The following HOMER1 variants were observed in gnomAD, a reference collection of about 807,000 sequenced individuals.
HOMER1 encodes the protein homer scaffold protein 1, also known as homer protein homolog 1.
In HOMER1, 3 loss-of-function variants were observed where a neutral mutation model predicts 48.9. The observed-to-expected ratio is 0.06, with a 90% confidence interval of 0.03 to 0.16. The LOEUF (loss-of-function observed/expected upper bound fraction) is 0.16. HOMER1 is among the 10% of genes least tolerant of loss of function. The probability of loss-of-function intolerance (pLI) is 1.00; values close to 1 mark genes in which losing one functional copy is unlikely to be tolerated. For synonymous variants in HOMER1, 134 were observed against 146.4 expected, an observed-to-expected ratio of 0.92 and a Z score of 0.61; for missense variants, 247 against 411.4, an observed-to-expected ratio of 0.60 and a Z score of 3.46.
rs780638557 is a variant in HOMER1, at chr5:79,407,587, C to T, written c.528-5532G>A. Among the ~76,000 whole-genome samples the T allele has an allele frequency of 5.1e-4, 77 of 152,252 alleles. 1 individual carries two copies. Among genetic ancestry groups the T allele is most frequent in the Non-Finnish European group, 9.0e-4 (61 of 68,018 alleles). On this transcript the variant is annotated intron_variant, in intron 5 of 8. Transcript: ENST00000334082. ...TTTGACAGGCTCAGTGAACTTGACA[C>T]AGCTGCATAAAGTCGGTGAACATGG... is the stretch of plus-strand genomic sequence containing the variant.
chr5:79,502,871 A>G (rs940284380), intron 1 of HOMER1, among the ~76,000 whole-genome samples: 1 of 152,138 alleles, frequency 6.6e-6, no homozygotes, highest in Non-Finnish European at 1.5e-5. Flanking sequence ...GCTCACTGCA[A>G]GCTCCGCCTC....
chr5:79,417,861 G>T (rs1482667168), intron 5 of HOMER1, among the ~76,000 whole-genome samples: 1 of 152,130 alleles, frequency 6.6e-6, no homozygotes, highest in Non-Finnish European at 1.5e-5. Flanking sequence ...ATCTCTGTTG[G>T]TACTGGCAGA....
At chr5:79,460,807 CA>C (rs1751299888) in intron 1 of HOMER1, among the ~76,000 whole-genome samples, 2 of 152,258 alleles carry the variant, frequency 1.3e-5, no homozygotes, top group South Asian at 4.1e-4. Context: ...AAAAATTTTC[CA>C]GCTCAAAATG....
At chr5:79,447,598 C>A (rs1750919509) in intron 3 of HOMER1, among the ~76,000 whole-genome samples, 1 of 152,270 alleles carries the variant, frequency 6.6e-6, no homozygotes. Flanking sequence ...TCTTAATACA[C>A]AATGCATTTT....
intron 4 of HOMER1, among the ~76,000 whole-genome samples, chr5:79,440,517 A>G (rs2112277895): frequency 6.6e-6 from 1 of 152,346 alleles, no homozygotes; most frequent in Non-Finnish European, 1.5e-5. Context: ...TTTATTAAAT[A>G]TTTCTCCTAA....
intron 8 of HOMER1, among the ~76,000 whole-genome samples, chr5:79,395,411 C>T (rs555782594): frequency 3.9e-5 from 6 of 152,222 alleles, no homozygotes; most frequent in South Asian, 2.1e-4. Context: ...ATATCAGTGG[C>T]GCTCCACTAA....
intron 4 of HOMER1, among the ~76,000 whole-genome samples, chr5:79,440,504 AT>A (rs1750709976): frequency 6.6e-6 from 1 of 152,060 alleles, no homozygotes. Flanking sequence ...CTTTAATTTC[AT>A]TTTTATTAAA....
intron 5 of HOMER1, among the ~76,000 whole-genome samples, chr5:79,420,808 G>A (rs1750076190): frequency 6.6e-6 from 1 of 152,100 alleles, no homozygotes; most frequent in Admixed American, 6.5e-5. Flanking sequence ...GCTCCTCGAA[G>A]GCAATCTTAT....
intron 1 of HOMER1, among the ~76,000 whole-genome samples, chr5:79,501,290 T>C (rs1210427786): frequency 6.6e-6 from 1 of 152,210 alleles, no homozygotes; most frequent in Non-Finnish European, 1.5e-5. Flanking sequence ...AATAACACTT[T>C]CTTTTCTTTA....
At chr5:79,419,007 G>A (rs888408902) in intron 5 of HOMER1, among the ~76,000 whole-genome samples, 2 of 152,226 alleles carry the variant, frequency 1.3e-5, no homozygotes, top group Admixed American at 1.3e-4. Flanking sequence ...ACAGATTTAA[G>A]TTATTATTCC....
intron 1 of HOMER1, among the ~76,000 whole-genome samples, chr5:79,475,638 A>C (rs1238503612): frequency 6.6e-6 from 1 of 152,174 alleles, no homozygotes; most frequent in Non-Finnish European, 1.5e-5. Context: ...CTAGTCTCTA[A>C]GCCTCAACAG....
chr5:79,475,290 A>G (rs1310905423), intron 1 of HOMER1, among the ~76,000 whole-genome samples: 1 of 152,156 alleles, frequency 6.6e-6, no homozygotes, highest in Non-Finnish European at 1.5e-5. Flanking sequence ...TAGAGCCCGT[A>G]TCTTTATCTT....
chr5:79,447,348 G>A (rs1750913368), intron 3 of HOMER1, among the ~76,000 whole-genome samples: 1 of 152,136 alleles, frequency 6.6e-6, no homozygotes, highest in Non-Finnish European at 1.5e-5. Flanking sequence ...GAAGTATTTT[G>A]ACAAATCTTA....
At chr5:79,510,750 T>G in intron 1 of HOMER1, 1 of 770,190 alleles carries the variant, frequency 1.3e-6, no homozygotes. Context: ...TTGGGAAGCA[T>G]GCTCGTGCCC....
At chr5:79,485,633 T>C (rs1373668510) in intron 1 of HOMER1, among the ~76,000 whole-genome samples, 1 of 152,176 alleles carries the variant, frequency 6.6e-6, no homozygotes, top group African/African-American at 2.4e-5. Flanking sequence ...CCATGGACTT[T>C]AAAAAATTAC....
chr5:79,404,871 T>G (rs1749624584), intron 5 of HOMER1, among the ~76,000 whole-genome samples: 1 of 150,718 alleles, frequency 6.6e-6, no homozygotes, highest in Admixed American at 6.6e-5. Flanking sequence ...GCTATTTTTT[T>G]TTTTTTTTAA....
intron 1 of HOMER1, among the ~76,000 whole-genome samples, chr5:79,502,021 ATTTT>A (rs10674187): frequency 1.5e-5 from 2 of 130,056 alleles, no homozygotes; most frequent in African/African-American, 2.9e-5. Flanking sequence ...GGTCCTGATA[ATTTT>A]TTTTTTTTTT....
chr5:79,486,655 C>T (rs892728540), intron 1 of HOMER1, among the ~76,000 whole-genome samples: 1 of 151,944 alleles, frequency 6.6e-6, no homozygotes, highest in Non-Finnish European at 1.5e-5. Flanking sequence ...AAGATCACAC[C>T]CCAACCCCAG....
At chr5:79,439,386 A>G in intron 4 of HOMER1, among the ~76,000 whole-genome samples, 1 of 152,218 alleles carries the variant, frequency 6.6e-6, no homozygotes, top group Non-Finnish European at 1.5e-5. Flanking sequence ...TCTGAAACAT[A>G]CAATTTAGAA....
Sources: allele counts gnomAD v4.1 joint callset (sites outside exome capture counted in the v4.1 genomes callset), GRCh38; gene constraint gnomAD v4.1.1; transcripts MANE v1.5; gene names NCBI Gene and HGNC (gene_info 2026-07-23, HGNC 2026-07-21).